The following ATL2 variants were observed in gnomAD, a reference collection of about 807,000 sequenced individuals.
ATL2 encodes atlastin GTPase 2.
A neutral mutation model predicts 73.9 loss-of-function variants in ATL2; 31 were observed. The observed-to-expected ratio is 0.42, with a 90% confidence interval of 0.32 to 0.57. The LOEUF (loss-of-function observed/expected upper bound fraction) is 0.57. Ranked by LOEUF, ATL2 falls within the 20% of genes least tolerant of loss-of-function variation. The probability of loss-of-function intolerance (pLI) is 0.14; values close to 1 mark genes in which losing one functional copy is unlikely to be tolerated. For synonymous variants in ATL2, 291 were observed against 237.5 expected, an observed-to-expected ratio of 1.23 and a Z score of -2.07; for missense variants, 738 against 702.6, an observed-to-expected ratio of 1.05 and a Z score of -0.57.
chr2:38,356,244 G>T (rs1670660851), intron 1 of ATL2, among the ~76,000 whole-genome samples: 1 of 151,002 alleles, frequency 6.6e-6, no homozygotes, highest in Non-Finnish European at 1.5e-5. Flanking sequence ...TTGAGACAGG[G>T]TTTCACTCTC....
intron 2 of ATL2, among the ~76,000 whole-genome samples, chr2:38,325,697 AGTACACAC>A (rs1558412100): frequency 5.4e-4 from 2 of 3,720 alleles, no homozygotes; most frequent in Non-Finnish European, 9.9e-4. Flanking sequence ...CACACACACC[AGTACACAC>A]ACACACACAC....
chr2:38,342,281 A>C (rs1160337502), intron 2 of ATL2, among the ~76,000 whole-genome samples: 1 of 152,174 alleles, frequency 6.6e-6, no homozygotes, highest in African/African-American at 2.4e-5. Context: ...GTGCTTGATA[A>C]TCAACAGAGG....
rs1286027684 is a variant in ATL2 at position 38,349,139 on chromosome 2, GA to G, written c.119-5628del. On this transcript the variant is annotated intron_variant, in intron 1 of 12. Transcript: ENST00000378954. ...GCGATTCCTCAGGGATCTAGAACTA[GA>G]AATACCATTTGACCCAGTCATCCCA... 3.3e-5 allele frequency among the ~76,000 whole-genome samples: 5 copies of G among 151,578 alleles called. No individual in the cohort carries two copies. The East Asian group carries it at 9.7e-4, about 29-fold the overall frequency.
chr2:38,327,411 A>C (rs1668725537), intron 2 of ATL2, among the ~76,000 whole-genome samples: 1 of 152,052 alleles, frequency 6.6e-6, no homozygotes, highest in Admixed American at 6.6e-5. Context: ...TACATTGCAA[A>C]CTCCAGGCAG....
chr2:38,293,981 A>G lies in ATL2; in HGVS notation c.*2013T>C, dbSNP rs1666746522. 1.3e-5 allele frequency among the ~76,000 whole-genome samples: 2 copies of G among 152,262 alleles called. No homozygotes were observed. The highest frequency in any genetic ancestry group is 4.1e-4 in the South Asian group (2 of 4,838). On this transcript the variant is annotated 3_prime_UTR_variant, in exon 13 of 13. Transcript: ENST00000378954. ...ACTTTTTAAAAGTAAGCTGTCTTTA[A>G]TTTCAGAAAATCTGCTATTATACAA... is the stretch of plus-strand genomic sequence containing the variant.
At chr2:38,362,777 A>T (rs1341626136) in intron 1 of ATL2, among the ~76,000 whole-genome samples, 1 of 152,194 alleles carries the variant, frequency 6.6e-6, no homozygotes, top group Non-Finnish European at 1.5e-5. Context: ...AATAGAAAAC[A>T]TATGTGTGAT....
At chr2:38,318,680 C>T in intron 3 of ATL2, 41 bp from the exon 4 acceptor site, 1 of 1,476,004 alleles carries the variant, frequency 6.8e-7, no homozygotes, top group Non-Finnish European at 9.2e-7. Flanking sequence ...AAAACAGTTG[C>T]CAAAAATGAC....
At chr2:38,339,444 C>T (rs910960338) in intron 2 of ATL2, among the ~76,000 whole-genome samples, 15 of 152,054 alleles carry the variant, frequency 9.9e-5, no homozygotes, top group Admixed American at 8.5e-4. Context: ...ATGAATCACA[C>T]TAATGATAAC....
intron 1 of ATL2, among the ~76,000 whole-genome samples, chr2:38,355,327 A>C (rs1034189954): frequency 4.6e-5 from 7 of 152,118 alleles, no homozygotes; most frequent in African/African-American, 1.4e-4. Context: ...GGGTTTCATC[A>C]CATTGGTCAG....
At chr2:38,377,088 C>G (rs1672021421) in intron 1 of ATL2, 55 bp downstream of exon 1, 1 of 1,543,996 alleles carries the variant, frequency 6.5e-7, no homozygotes, top group Non-Finnish European at 8.8e-7. Context: ...CGAGCCCGAG[C>G]AGCGAGCGTC....
intron 1 of ATL2, chr2:38,358,595 G>T: frequency 3.4e-6 from 1 of 290,516 alleles, no homozygotes; most frequent in Non-Finnish European, 7.3e-6. Flanking sequence ...AGGAGGCTGA[G>T]GCCGGAGAAT....
intron 2 of ATL2, among the ~76,000 whole-genome samples, chr2:38,325,005 G>A (rs1426643057): frequency 6.6e-6 from 1 of 152,142 alleles, no homozygotes; most frequent in Non-Finnish European, 1.5e-5. Flanking sequence ...CCACTGAAGT[G>A]TACACTTACA....
intron 1 of ATL2, among the ~76,000 whole-genome samples, chr2:38,355,241 C>G (rs1670590499): frequency 6.6e-6 from 1 of 152,114 alleles, no homozygotes; most frequent in Non-Finnish European, 1.5e-5. Context: ...ATTCTCCTGT[C>G]TCAGCCTCCC....
chr2:38,319,903 T>C (rs1283845703), intron 2 of ATL2, among the ~76,000 whole-genome samples: 2 of 151,762 alleles, frequency 1.3e-5, no homozygotes, highest in Non-Finnish European at 2.9e-5. Flanking sequence ...AGGTCAGGAG[T>C]TCGAGACCAG....
rs373762100 is a variant in ATL2 at position 38,370,971 on chromosome 2, A to T, written c.118+6172T>A. On this transcript the variant is annotated intron_variant, in intron 1 of 12. Coordinates refer to ENST00000378954, the MANE Select transcript of ATL2 (RefSeq NM_001135673.4). ...AGCCCCTATCTCGGGGGGGAAAAAA[A>T]TAAGGAAAAAAATACAAAAAGATAA... Among the ~76,000 whole-genome samples, 38 of 151,936 alleles carry T rather than the reference A, an allele frequency of 2.5e-4. No individual in the cohort carries two copies. The South Asian group carries it at 7.5e-3, about 30-fold the overall frequency.
intron 4 of ATL2, among the ~76,000 whole-genome samples, chr2:38,316,286 G>T (rs58568571): frequency 0.019 from 2,952 of 152,262 alleles, 88 homozygotes; most frequent in African/African-American, 0.068. Context: ...GATGACTGAG[G>T]TGATTAAACT....
At chr2:38,320,032 C>T (rs1341389834) in intron 2 of ATL2, among the ~76,000 whole-genome samples, 1 of 151,944 alleles carries the variant, frequency 6.6e-6, no homozygotes, top group African/African-American at 2.4e-5. Context: ...CACTTGAACC[C>T]GTGGGCAGAG....
chr2:38,318,520 A>C lies in ATL2; in HGVS notation c.603+15T>G. The C allele has an allele frequency of 1.3e-6, 2 of 1,554,564 alleles. No homozygotes were observed. The highest frequency in any genetic ancestry group is 1.2e-5 in the South Asian group (1 of 83,548). ...ATTACGTGAACTGATCGCACCACTT[A>C]ATCTTGTGTCTCACCTGGACAGAGC... On this transcript the variant is annotated intron_variant, in intron 4 of 12. Transcript: ENST00000378954.
chr2:38,316,340 G>A (rs910455229), intron 4 of ATL2, among the ~76,000 whole-genome samples: 4 of 152,096 alleles, frequency 2.6e-5, no homozygotes, highest in African/African-American at 9.7e-5. Context: ...AACCTATGTG[G>A]GCCTCTGCTT....
Sources: allele counts gnomAD v4.1 joint callset (sites outside exome capture counted in the v4.1 genomes callset), GRCh38; gene constraint gnomAD v4.1.1; transcripts MANE v1.5; gene names NCBI Gene and HGNC (gene_info 2026-07-23, HGNC 2026-07-21).